Variants in AGMO observed in about 807,000 individuals in gnomAD.
The protein encoded by AGMO is glyceryl-ether monooxygenase.
AGMO carries 75 observed loss-of-function variants against 60.2 expected under a neutral mutation model. The observed-to-expected ratio is 1.25, with a 90% CI of 1.03 to 1.51. The LOEUF is 1.51. Among genes scored for constraint, AGMO ranks in the 40% most tolerant of loss-of-function variants. The pLI, the probability that AGMO is intolerant of heterozygous loss-of-function variation, is 0.00. For missense variants in AGMO, 763 were observed against 525.5 expected (o/e 1.45, Z -4.42); for synonymous variants, 261 against 177.1 (o/e 1.47, Z -3.76).
rs1403843644 is a variant in AGMO at position 15,365,620 on chromosome 7, C to T, written c.1158-1G>A. On this transcript the variant is annotated splice_acceptor_variant, in intron 11 of 12. Coordinates refer to ENST00000342526, the MANE Select transcript of AGMO (RefSeq NM_001004320.2). LOFTEE classifies it high-confidence loss of function. ...AGTTTCCATAATAGCTGCCTTGGGTCTGAAATAAAATGTCATTAACATGCA... is the reference window on the plus strand; with the variant it reads ...AGTTTCCATAATAGCTGCCTTGGGTTTGAAATAAAATGTCATTAACATGCA... The T allele has an allele frequency of 6.2e-7, 1 of 1,608,066 alleles. No homozygotes were observed. Among genetic ancestry groups the T allele is most frequent in the East Asian group, 2.2e-5 (1 of 44,778 alleles).
At chr7:15,493,608 C>G (rs1320426116) in intron 3 of AGMO, among the ~76,000 whole-genome samples, 1 of 151,744 alleles carries the variant, frequency 6.6e-6, no homozygotes, top group East Asian at 1.9e-4. Context: ...ATCTCCTGAC[C>G]TCGTGATCCG....
At chr7:15,502,131 T>C (rs1334848713) in intron 3 of AGMO, among the ~76,000 whole-genome samples, 1 of 152,042 alleles carries the variant, frequency 6.6e-6, no homozygotes, top group African/African-American at 2.4e-5. Context: ...GTGAGGGATA[T>C]TAAAGAAATT....
At chr7:15,513,124 T>C (rs1324335392) in intron 3 of AGMO, among the ~76,000 whole-genome samples, 1 of 152,244 alleles carries the variant, frequency 6.6e-6, no homozygotes, top group Non-Finnish European at 1.5e-5. Context: ...TTCATTTTTC[T>C]TTTGTTTTTG....
chr7:15,557,307 A>G (rs957919214), intron 2 of AGMO, among the ~76,000 whole-genome samples: 3 of 152,112 alleles, frequency 2.0e-5, no homozygotes, highest in Non-Finnish European at 4.4e-5. Flanking sequence ...AATTAGCAAA[A>G]GGCATACTAC....
intron 12 of AGMO, among the ~76,000 whole-genome samples, chr7:15,300,554 A>G (rs1468275432): frequency 1.3e-5 from 2 of 152,212 alleles, no homozygotes; most frequent in Non-Finnish European, 2.9e-5. Flanking sequence ...AAACCCTTAA[A>G]GAGTGAAAGC....
the AGMO span, among the ~76,000 whole-genome samples, chr7:15,123,151 A>T: frequency 6.6e-6 from 1 of 151,454 alleles, no homozygotes; most frequent in African/African-American, 2.4e-5. Flanking sequence ...TGCATAATCA[A>T]CTCCTTCACC....
chr7:15,342,490 CT>C (rs992672675), intron 12 of AGMO, among the ~76,000 whole-genome samples: 1 of 151,952 alleles, frequency 6.6e-6, no homozygotes, highest in African/African-American at 2.4e-5. Context: ...TCCCTTTTCC[CT>C]CCCATTAGTC....
chr7:15,560,380 G>C, intron 1 of AGMO, 109 bp from the exon 2 acceptor site: 2 of 1,174,074 alleles, frequency 1.7e-6, no homozygotes, highest in South Asian at 3.2e-5. Context: ...GGGAAGCCCT[G>C]CAGGAGATGG....
At position 15,213,396 on chromosome 7, in the gene AGMO, T is replaced by G. The variant is rs1184218652; in HGVS notation, c.1264-12037A>C. Among the ~76,000 whole-genome samples the G allele has an allele frequency of 2.0e-5, 3 of 151,930 alleles. No homozygotes were observed. In the East Asian group the frequency reaches 5.8e-4, roughly 29 times the overall value. On this transcript the variant is annotated intron_variant, in intron 12 of 12. Coordinates refer to ENST00000342526, the MANE Select transcript of AGMO (RefSeq NM_001004320.2). ...AATAGAAAATCTCCAAGATCTATTA[T>G]CAGTTCTATTATGTGAAAAAAATAA... is the stretch of plus-strand genomic sequence containing the variant.
At position 15,392,046 on chromosome 7, in the gene AGMO, C is replaced by G. The variant is rs966521210; in HGVS notation, c.677-1141G>C. 4.6e-5 allele frequency among the ~76,000 whole-genome samples: 7 copies of G among 152,026 alleles called. No individual in the cohort carries two copies. In the South Asian group the frequency reaches 1.5e-3, roughly 32 times the overall value. On this transcript the variant is annotated intron_variant, in intron 6 of 12. Coordinates refer to ENST00000342526, the MANE Select transcript of AGMO (RefSeq NM_001004320.2). The stretch of plus-strand genomic sequence containing the variant: ...TTTGGTAATGTGGACTTGTTCTTCT[C>G]GACTTCCTATATTTTTTATTTTTTA...
intron 10 of AGMO, among the ~76,000 whole-genome samples, chr7:15,371,437 C>A (rs1193631696): frequency 2.7e-4 from 41 of 151,696 alleles, no homozygotes; most frequent in Admixed American, 2.7e-3. Flanking sequence ...GTTGCCCAGG[C>A]TGGAGTGCAA....
chr7:15,296,788 A>T (rs1784419396), intron 12 of AGMO, among the ~76,000 whole-genome samples: 1 of 152,168 alleles, frequency 6.6e-6, no homozygotes, highest in African/African-American at 2.4e-5. Context: ...GGTGTTCAGG[A>T]AGACCAAATA....
At chr7:15,393,925 C>G (rs1296485897) in intron 6 of AGMO, among the ~76,000 whole-genome samples, 188 bp downstream of exon 6, 2 of 150,992 alleles carry the variant, frequency 1.3e-5, no homozygotes, top group Non-Finnish European at 2.9e-5. Flanking sequence ...CCCACCCCAC[C>G]CCACCCCACC....
At chr7:15,213,693 C>T (rs907031462) in intron 12 of AGMO, among the ~76,000 whole-genome samples, 3 of 151,846 alleles carry the variant, frequency 2.0e-5, no homozygotes, top group Non-Finnish European at 4.4e-5. Context: ...CTGATCTCCT[C>T]GATGGAGATA....
intron 5 of AGMO, among the ~76,000 whole-genome samples, chr7:15,412,651 G>A (rs1302967338): frequency 1.3e-5 from 2 of 150,218 alleles, no homozygotes; most frequent in Non-Finnish European, 3.0e-5. Context: ...CACGTGAGAG[G>A]GGCTTTGTAA....
At chr7:15,529,479 C>T (rs959328453) in intron 3 of AGMO, among the ~76,000 whole-genome samples, 2 of 138,014 alleles carry the variant, frequency 1.4e-5, no homozygotes, top group Non-Finnish European at 3.1e-5. Flanking sequence ...GTTCTACCCC[C>T]TAGAGATTCT....
chr7:15,120,405 T>C, the AGMO span, among the ~76,000 whole-genome samples: 3 of 152,280 alleles, frequency 2.0e-5, no homozygotes, highest in South Asian at 6.2e-4. Flanking sequence ...AATGTTTGTG[T>C]CCTCCCTGAA....
intron 12 of AGMO, among the ~76,000 whole-genome samples, chr7:15,275,198 C>A (rs1783744279): frequency 6.6e-6 from 1 of 152,018 alleles, no homozygotes; most frequent in Non-Finnish European, 1.5e-5. Flanking sequence ...ATAACCTTTT[C>A]CTCTTAGCAC....
intron 12 of AGMO, among the ~76,000 whole-genome samples, chr7:15,317,659 T>C (rs1228101768): frequency 6.6e-6 from 1 of 151,962 alleles, no homozygotes; most frequent in Non-Finnish European, 1.5e-5. Flanking sequence ...AAATAAAATA[T>C]CCCAAAGGAC....
Sources: gnomAD v4.1 joint callset for allele counts (sites outside exome capture counted in the v4.1 genomes callset) on GRCh38, gnomAD v4.1.1 for gene constraint, MANE v1.5 for transcripts, NCBI Gene and HGNC (gene_info 2026-07-23, HGNC 2026-07-21) for gene names.